TXNL4A: variants seen among roughly 807,000 people sequenced by gnomAD.
The protein encoded by TXNL4A is thioredoxin like 4A.
TXNL4A carries 17 observed loss-of-function variants against 14.6 expected under a neutral mutation model. The observed-to-expected ratio is 1.16, with a 90% confidence interval of 0.80 to 1.74. The LOEUF (loss-of-function observed/expected upper bound fraction) is 1.74. Among genes scored for constraint, TXNL4A ranks in the 40% most tolerant of loss-of-function variants. TXNL4A has a pLI of 0.00. For missense variants in TXNL4A, 74 were observed against 195.2 expected, an observed-to-expected ratio of 0.38 and a Z score of 3.70; for synonymous variants, 83 against 70.6, an observed-to-expected ratio of 1.18 and a Z score of -0.88.
chr18:79,990,895 G>C (rs1021090588), upstream of TXNL4A, among the ~76,000 whole-genome samples: 2 of 151,664 alleles, frequency 1.3e-5, no homozygotes, highest in African/African-American at 4.8e-5. Context: ...ACGAGGTCAG[G>C]AGATCGAGAC....
intron 1 of TXNL4A, among the ~76,000 whole-genome samples, chr18:79,998,512 C>T (rs1183117640): frequency 6.6e-6 from 1 of 150,620 alleles, no homozygotes; most frequent in Non-Finnish European, 1.5e-5. Flanking sequence ...ACTGGAGGTA[C>T]TGCATCCAGG....
At chr18:79,980,055 A>C (rs2051440161) in intron 1 of TXNL4A, among the ~76,000 whole-genome samples, 1 of 152,194 alleles carries the variant, frequency 6.6e-6, no homozygotes, top group Non-Finnish European at 1.5e-5. Context: ...GTGGGCCCCT[A>C]ATCTGGTGTG....
intron 1 of TXNL4A, among the ~76,000 whole-genome samples, chr18:79,978,653 C>T (rs903511316): frequency 2.0e-5 from 3 of 151,994 alleles, no homozygotes. Context: ...ACCATCACAC[C>T]TGGCTAATTT....
rs547273075 is a variant in TXNL4A, at chr18:79,996,978, T to G, written c.-60-19277A>C. 1.9e-3 allele frequency among the ~76,000 whole-genome samples: 286 copies of G among 152,094 alleles called. 1 individual carries two copies. Among genetic ancestry groups the G allele is most frequent in the African/African-American group, 6.3e-3 (263 of 41,488 alleles). ...AACAAGACCTGACATTGCACCACAA[T>G]TTAGTACTAGTAATGTTAAGACACC... is the stretch of plus-strand genomic sequence containing the variant. On this transcript the variant is annotated intron_variant, in intron 1 of 2. Transcript: ENST00000585474.
At chr18:80,017,757 C>A (rs12969237) in intron 1 of TXNL4A, among the ~76,000 whole-genome samples, 1 of 150,048 alleles carries the variant, frequency 6.7e-6, no homozygotes, top group Non-Finnish European at 1.5e-5. Flanking sequence ...CTGCTGGATT[C>A]GGTTTGCCAG....
At chr18:79,980,248 C>T (rs1162554037) in intron 1 of TXNL4A, among the ~76,000 whole-genome samples, 1 of 152,212 alleles carries the variant, frequency 6.6e-6, no homozygotes, top group Non-Finnish European at 1.5e-5. Flanking sequence ...GCCTGGAAAA[C>T]ACCTCGATTC....
chr18:79,989,298 C>CG (rs1275060986), upstream of TXNL4A, among the ~76,000 whole-genome samples: 4 of 152,048 alleles, frequency 2.6e-5, no homozygotes, highest in Non-Finnish European at 5.9e-5. Flanking sequence ...TTAGTAGAGA[C>CG]GGGGTTTAAC....
intron 1 of TXNL4A, among the ~76,000 whole-genome samples, chr18:80,023,502 T>C (rs772136378): frequency 2.0e-5 from 3 of 152,126 alleles, no homozygotes; most frequent in South Asian, 2.1e-4. Flanking sequence ...GATGTCCCCA[T>C]AGCATGCCCC....
At chr18:79,977,090 G>A (rs1276331399) in intron 2 of TXNL4A, among the ~76,000 whole-genome samples, 1 of 151,992 alleles carries the variant, frequency 6.6e-6, no homozygotes, top group African/African-American at 2.4e-5. Context: ...CCTCCCAGTA[G>A]CTGGGATTAC....
At chr18:79,983,405 A>G (rs1344013435) in intron 1 of TXNL4A, among the ~76,000 whole-genome samples, 1 of 152,202 alleles carries the variant, frequency 6.6e-6, no homozygotes, top group Non-Finnish European at 1.5e-5. Context: ...CAAGTCAGCA[A>G]TTAAAGTGCT....
At chr18:79,994,698 C>G (rs1213049515) in intron 1 of TXNL4A, among the ~76,000 whole-genome samples, 1 of 152,188 alleles carries the variant, frequency 6.6e-6, no homozygotes, top group Non-Finnish European at 1.5e-5. Context: ...CAACTCAGAA[C>G]TGCCAATCGA....
intron 2 of TXNL4A, 126 bp downstream of exon 2, chr18:79,977,472 A>C: frequency 1.3e-6 from 1 of 754,504 alleles, no homozygotes; most frequent in Non-Finnish European, 2.2e-6. Context: ...TGGTGATACA[A>C]ACGATTTTGG....
chr18:80,022,597 C>A (rs1189402413), intron 1 of TXNL4A, among the ~76,000 whole-genome samples: 1 of 152,156 alleles, frequency 6.6e-6, no homozygotes, highest in African/African-American at 2.4e-5. Flanking sequence ...TCTTTAGAGT[C>A]GTAGGGTTAA....
At chr18:79,974,776 C>A (rs962925264) in intron 2 of TXNL4A, among the ~76,000 whole-genome samples, 2 of 152,134 alleles carry the variant, frequency 1.3e-5, no homozygotes, top group Admixed American at 6.5e-5. Context: ...ACTGTGCCGG[C>A]CTGATTATTT....
rs2051442648 is a variant in TXNL4A at position 79,980,233 on chromosome 18, G to GC, written c.154-2533dup. Among the ~76,000 whole-genome samples the GC allele has an allele frequency of 2.0e-5, 3 of 152,320 alleles. No individual in the cohort carries two copies. The South Asian group carries it at 6.2e-4, about 32-fold the overall frequency. ...CTCTCCTTGGCAGGTTTCAGAGAGAGCCCAGCCTGGAAAACACCTCGATTC... is the reference window on the plus strand; with the variant it reads ...CTCTCCTTGGCAGGTTTCAGAGAGAGCCCCAGCCTGGAAAACACCTCGATTC... On this transcript the variant is annotated intron_variant, in intron 1 of 2. Coordinates refer to ENST00000269601, the MANE Select transcript of TXNL4A (RefSeq NM_006701.5).
At chr18:80,007,712 C>T (rs2051741287) in intron 1 of TXNL4A, among the ~76,000 whole-genome samples, 1 of 152,210 alleles carries the variant, frequency 6.6e-6, no homozygotes, top group East Asian at 1.9e-4. Flanking sequence ...GGGCCTCTCT[C>T]TTCCCTCACC....
At chr18:79,975,590 C>T (rs1032928033) in intron 2 of TXNL4A, among the ~76,000 whole-genome samples, 2 of 152,102 alleles carry the variant, frequency 1.3e-5, no homozygotes, top group African/African-American at 4.8e-5. Context: ...TTCTGAGGGG[C>T]AAAATAGAAA....
intron 1 of TXNL4A, among the ~76,000 whole-genome samples, chr18:80,023,235 T>G (rs555094030): frequency 2.0e-5 from 3 of 152,230 alleles, no homozygotes; most frequent in African/African-American, 7.2e-5. Flanking sequence ...ACCTGTTTTA[T>G]TAGGATAGCT....
At chr18:80,006,706 G>A (rs2051733611) in intron 1 of TXNL4A, among the ~76,000 whole-genome samples, 1 of 152,086 alleles carries the variant, frequency 6.6e-6, no homozygotes, top group African/African-American at 2.4e-5. Flanking sequence ...AGTTTAATAG[G>A]CAAAAGAGAA....
Sources: gnomAD v4.1 joint callset for allele counts (sites outside exome capture counted in the v4.1 genomes callset) on GRCh38, gnomAD v4.1.1 for gene constraint, MANE v1.5 for transcripts, NCBI Gene and HGNC (gene_info 2026-07-23, HGNC 2026-07-21) for gene names.